Variants in CTNNA2 observed in about 807,000 individuals in gnomAD.
The protein encoded by CTNNA2 is catenin alpha-2.
CTNNA2 carries 42 observed loss-of-function variants against 101.0 expected under a neutral mutation model. The ratio of observed to expected loss-of-function variants is 0.42; its 90% CI spans 0.32 to 0.54. The LOEUF is 0.54. Ranked by LOEUF, CTNNA2 falls within the 20% of genes least tolerant of loss-of-function variation. The probability of loss-of-function intolerance (pLI) is 0.14; values close to 1 mark genes in which losing one functional copy is unlikely to be tolerated. For missense variants in CTNNA2, 871 were observed against 1,223.1 expected (o/e 0.71, Z 4.29); for synonymous variants, 450 against 456.4 (o/e 0.99, Z 0.18).
At position 79,245,550 on chromosome 2, in the gene CTNNA2, C is replaced by A. The variant is rs373868291; in HGVS notation, c.-406+47474C>A. On this transcript the variant is annotated intron_variant, in intron 2 of 21. Transcript: ENST00000466387. ...CCCAAGGATGGGCCTGGACCCAGAC[C>A]CTCCCAGGAAGCTCTACTCTAGGAA... 5.9e-5 allele frequency among the ~76,000 whole-genome samples: 9 copies of A among 152,232 alleles called. No individual in the cohort carries two copies. The South Asian group carries it at 1.2e-3, about 21-fold the overall frequency.
chr2:80,220,795 A>G (rs1456132331), intron 7 of CTNNA2, among the ~76,000 whole-genome samples: 1 of 152,096 alleles, frequency 6.6e-6, no homozygotes, highest in Non-Finnish European at 1.5e-5. Context: ...AGAGTTATAT[A>G]TTTTCCATCT....
chr2:79,531,040 AAAG>A (rs1485813796), intron 1 of CTNNA2, among the ~76,000 whole-genome samples: 4 of 151,826 alleles, frequency 2.6e-5, no homozygotes, highest in African/African-American at 7.2e-5. Context: ...GGAGGGGAGA[AAAG>A]AAGATGTCAG....
At chr2:80,457,800 T>A (rs193177257) in intron 9 of CTNNA2, among the ~76,000 whole-genome samples, 2 of 152,350 alleles carry the variant, frequency 1.3e-5, no homozygotes, top group Admixed American at 1.3e-4. Flanking sequence ...CTCCTCCTTG[T>A]TTCCCTCAGT....
intron 9 of CTNNA2, among the ~76,000 whole-genome samples, chr2:80,517,563 G>A (rs181093589): frequency 1.2e-3 from 190 of 152,282 alleles, no homozygotes; most frequent in African/African-American, 4.0e-3. Context: ...ACTTACAGGC[G>A]TCTATTAATC....
In CTNNA2 at chr2:80,415,566, G is replaced by A. The variant is rs570525199; in HGVS notation, c.1138-3883G>A. On this transcript the variant is annotated intron_variant, in intron 8 of 18. Coordinates refer to ENST00000402739, the MANE Select transcript of CTNNA2 (RefSeq NM_001282597.3). ...AATTTAAAATCTCATGTTTTCAAACGTTGGCAAGGATATGGAGAAAGGAAA... is the reference window on the plus strand; with the variant it reads ...AATTTAAAATCTCATGTTTTCAAACATTGGCAAGGATATGGAGAAAGGAAA... Among the ~76,000 whole-genome samples, 7 of 152,224 alleles carry A rather than the reference G, an allele frequency of 4.6e-5. No homozygotes were observed. The East Asian group carries it at 9.7e-4, about 21-fold the overall frequency.
rs138584047 is a variant in CTNNA2 at position 80,631,880 on chromosome 2, T to TTTG, written c.2574+12668_2574+12670dup. 3.5e-4 allele frequency among the ~76,000 whole-genome samples: 53 copies of TTTG among 152,190 alleles called. 1 individual carries two copies. The highest frequency in any genetic ancestry group is 6.5e-4 in the African/African-American group (27 of 41,524). ...ATGCGCCTAAAGTGATGTAGTACTTTTTGTTGTTGTTGTTGTTGAGAATTA... is the reference window on the plus strand; with the variant it reads ...ATGCGCCTAAAGTGATGTAGTACTTTTTGTTGTTGTTGTTGTTGTTGAGAATTA... On this transcript the variant is annotated intron_variant, in intron 18 of 18. Coordinates refer to ENST00000402739, the MANE Select transcript of CTNNA2 (RefSeq NM_001282597.3).
chr2:79,266,922 G>A (rs946698485), intron 2 of CTNNA2, among the ~76,000 whole-genome samples: 1 of 151,950 alleles, frequency 6.6e-6, no homozygotes, highest in African/African-American at 2.4e-5. Flanking sequence ...CTATCTTAGT[G>A]GTATCAGACT....
intron 4 of CTNNA2, among the ~76,000 whole-genome samples, chr2:79,462,646 C>A (rs1670892172): frequency 6.6e-6 from 1 of 152,170 alleles, no homozygotes; most frequent in East Asian, 1.9e-4. Flanking sequence ...AGCATAGTAC[C>A]TGCTGCAGAT....
chr2:79,254,058 A>G (rs948681918), intron 2 of CTNNA2, among the ~76,000 whole-genome samples: 1 of 152,200 alleles, frequency 6.6e-6, no homozygotes, highest in African/African-American at 2.4e-5. Flanking sequence ...GGACTTTTTA[A>G]GTAAGATCAA....
chr2:80,493,510 A>G (rs1687217312), intron 9 of CTNNA2, among the ~76,000 whole-genome samples: 2 of 152,184 alleles, frequency 1.3e-5, no homozygotes, highest in Non-Finnish European at 2.9e-5. Flanking sequence ...TTCCCAGCCA[A>G]TGGGCTTGGA....
At chr2:79,768,948 G>A (rs952518252) in intron 3 of CTNNA2, among the ~76,000 whole-genome samples, 2 of 152,082 alleles carry the variant, frequency 1.3e-5, no homozygotes, top group South Asian at 2.1e-4. Flanking sequence ...TCCACCTCCC[G>A]GGTTCACGCC....
chr2:80,220,679 G>T (rs1708524076), intron 7 of CTNNA2, among the ~76,000 whole-genome samples: 1 of 152,222 alleles, frequency 6.6e-6, no homozygotes, highest in Non-Finnish European at 1.5e-5. Flanking sequence ...CATGTTTGCT[G>T]CTTCTGTTGG....
intron 7 of CTNNA2, among the ~76,000 whole-genome samples, chr2:80,350,022 G>A (rs1366791704): frequency 6.6e-6 from 1 of 152,026 alleles, no homozygotes; most frequent in Non-Finnish European, 1.5e-5. Flanking sequence ...ATAAATTCTA[G>A]GAAGATATTT....
chr2:79,465,341 C>A (rs1194857010), intron 4 of CTNNA2, among the ~76,000 whole-genome samples: 7 of 152,094 alleles, frequency 4.6e-5, no homozygotes, highest in African/African-American at 9.7e-5. Flanking sequence ...CCATTGATCT[C>A]TATTTCTGTT....
At chr2:79,398,498 AT>A (rs1183432092) in intron 4 of CTNNA2, among the ~76,000 whole-genome samples, 1 of 152,084 alleles carries the variant, frequency 6.6e-6, no homozygotes, top group Non-Finnish European at 1.5e-5. Context: ...ATTTAAACAA[AT>A]TTTTAGCTAC....
At chr2:79,389,299 AT>A in intron 4 of CTNNA2, among the ~76,000 whole-genome samples, 1 of 152,290 alleles carries the variant, frequency 6.6e-6, no homozygotes. Context: ...CAAAAATTTG[AT>A]TGATCTAGGG....
chr2:79,237,797 T>A (rs976640333), intron 2 of CTNNA2, among the ~76,000 whole-genome samples: 1 of 152,220 alleles, frequency 6.6e-6, no homozygotes, highest in Non-Finnish European at 1.5e-5. Context: ...TGCAGCTTCC[T>A]TTCCTCTCTC....
intron 4 of CTNNA2, among the ~76,000 whole-genome samples, chr2:79,391,284 C>T (rs1678169153): frequency 6.6e-6 from 1 of 152,130 alleles, no homozygotes; most frequent in Non-Finnish European, 1.5e-5. Context: ...CCTCCTTCTC[C>T]TCCTCCTCTG....
chr2:80,568,308 T>C (rs1358741735), intron 12 of CTNNA2, among the ~76,000 whole-genome samples: 1 of 152,198 alleles, frequency 6.6e-6, no homozygotes, highest in Non-Finnish European at 1.5e-5. Flanking sequence ...TGCTACTCAC[T>C]TTGTCCGTGA....
Sources: gnomAD v4.1 joint callset for allele counts (sites outside exome capture counted in the v4.1 genomes callset) on GRCh38, gnomAD v4.1.1 for gene constraint, MANE v1.5 for transcripts, NCBI Gene and HGNC (gene_info 2026-07-23, HGNC 2026-07-21) for gene names.